CLVS1: variants seen among roughly 807,000 people sequenced by gnomAD.
CLVS1 encodes clavesin 1, also known as clavesin-1.
CLVS1 carries 10 observed loss-of-function variants against 33.1 expected under a neutral mutation model. The observed-to-expected ratio is 0.30, with a 90% CI of 0.19 to 0.51. The LOEUF is 0.51. CLVS1 is among the 20% of genes least tolerant of loss of function. The probability of loss-of-function intolerance (pLI) is 0.97; values close to 1 mark genes in which losing one functional copy is unlikely to be tolerated. For synonymous variants in CLVS1, 163 were observed against 166.1 expected (o/e 0.98, Z 0.14); for missense variants, 343 against 433.4 (o/e 0.79, Z 1.85).
intron 5 of CLVS1, among the ~76,000 whole-genome samples, chr8:61,480,584 A>G (rs938371116): frequency 3.3e-5 from 5 of 151,256 alleles, no homozygotes; most frequent in African/African-American, 1.2e-4. Context: ...TGCTGCACCC[A>G]CTGTCCTGCA....
chr8:61,411,208 A>C, intron 3 of CLVS1, among the ~76,000 whole-genome samples: 1 of 152,236 alleles, frequency 6.6e-6, no homozygotes, highest in East Asian at 1.9e-4. Context: ...TAAAGGACAT[A>C]AGGAAAAAGA....
chr8:61,314,500 C>T (rs1810945764), intron 2 of CLVS1, among the ~76,000 whole-genome samples: 5 of 151,820 alleles, frequency 3.3e-5, no homozygotes, highest in Admixed American at 3.3e-4. Flanking sequence ...CACAAGCATA[C>T]AAAAGAACTT....
At chr8:61,391,058 C>G (rs1814284630) in intron 3 of CLVS1, 1 of 151,600 alleles carries the variant, frequency 6.6e-6, no homozygotes, top group Non-Finnish European at 1.5e-5. Context: ...TCTAAGTTAA[C>G]TATTTCTCTA....
At chr8:61,037,252 T>C in the CLVS1 span, among the ~76,000 whole-genome samples, 6 of 152,186 alleles carry the variant, frequency 3.9e-5, no homozygotes, top group African/African-American at 1.4e-4. Context: ...TAATGGGTAC[T>C]GAATCTCTGT....
intron 1 of CLVS1, among the ~76,000 whole-genome samples, chr8:61,076,279 A>C (rs1448727721): frequency 6.6e-6 from 1 of 151,094 alleles, no homozygotes; most frequent in Non-Finnish European, 1.5e-5. Context: ...ACAGTTTATG[A>C]TTATGTTTAT....
At chr8:61,113,909 C>A (rs1162373741) in intron 1 of CLVS1, among the ~76,000 whole-genome samples, 1 of 152,234 alleles carries the variant, frequency 6.6e-6, no homozygotes, top group African/African-American at 2.4e-5. Flanking sequence ...CTTGGGATTG[C>A]AGGCTGAGCC....
At chr8:61,108,411 T>C (rs1805575066) in intron 1 of CLVS1, among the ~76,000 whole-genome samples, 1 of 152,188 alleles carries the variant, frequency 6.6e-6, no homozygotes, top group Admixed American at 6.5e-5. Context: ...GATTTTGCAA[T>C]TCTGGTATCC....
intron 2 of CLVS1, among the ~76,000 whole-genome samples, chr8:61,205,738 G>A (rs760544003): frequency 6.6e-6 from 1 of 151,984 alleles, no homozygotes; most frequent in South Asian, 2.1e-4. Context: ...ATGCACAAAG[G>A]TTCTCATTCC....
the CLVS1 span, among the ~76,000 whole-genome samples, chr8:61,004,722 G>A: frequency 2.0e-5 from 3 of 152,304 alleles, no homozygotes; most frequent in South Asian, 2.1e-4. Flanking sequence ...AGGGCTGCGG[G>A]GGAGCTGGGA....
At chr8:61,374,278 A>G (rs1347689657) in intron 2 of CLVS1, among the ~76,000 whole-genome samples, 1 of 152,022 alleles carries the variant, frequency 6.6e-6, no homozygotes, top group Non-Finnish European at 1.5e-5. Flanking sequence ...CAGAACCTTG[A>G]TCCTCTCCCC....
chr8:61,426,887 AT>A (rs1460953995), intron 3 of CLVS1, among the ~76,000 whole-genome samples: 4 of 152,310 alleles, frequency 2.6e-5, no homozygotes, highest in Non-Finnish European at 4.4e-5. Flanking sequence ...GGCCCTTAGT[AT>A]TTGTCATGTG....
chr8:61,290,482 A>G (rs540080803), intron 1 of CLVS1, among the ~76,000 whole-genome samples: 1 of 152,340 alleles, frequency 6.6e-6, no homozygotes, highest in East Asian at 1.9e-4. Flanking sequence ...TGCTCATAGA[A>G]GAGTGCATCA....
chr8:61,211,423 C>G (rs775886926), intron 2 of CLVS1, among the ~76,000 whole-genome samples: 4 of 150,930 alleles, frequency 2.7e-5, no homozygotes, highest in Non-Finnish European at 3.0e-5. Context: ...CCCTACTCTT[C>G]CTTCTCCTCC....
chr8:61,433,739 C>T (rs1025296347), intron 3 of CLVS1, among the ~76,000 whole-genome samples: 3 of 151,770 alleles, frequency 2.0e-5, no homozygotes, highest in African/African-American at 2.4e-5. Flanking sequence ...CATGGTGAAA[C>T]CCTACCTCTA....
At position 61,295,167 on chromosome 8, in the gene CLVS1, G is replaced by A. The variant is rs530679292; in HGVS notation, c.-151-4510G>A. On this transcript the variant is annotated intron_variant, in intron 1 of 5. Coordinates refer to ENST00000325897, the MANE Select transcript of CLVS1 (RefSeq NM_173519.3). ...AATTACTCTCCATGCATTTGAAATG[G>A]TGTCAAATACAGAATCATTTGGGAC... Among the ~76,000 whole-genome samples the A allele has an allele frequency of 5.9e-5, 9 of 152,292 alleles. No individual in the cohort carries two copies. In the South Asian group the frequency reaches 1.7e-3, roughly 28 times the overall value.
chr8:61,252,476 A>T (rs1327744863), intron 2 of CLVS1, among the ~76,000 whole-genome samples: 1 of 152,044 alleles, frequency 6.6e-6, no homozygotes, highest in African/African-American at 2.4e-5. Context: ...TATCCTTGTT[A>T]ATTTTCTGTC....
At chr8:61,061,366 C>A (rs752533678) in intron 1 of CLVS1, among the ~76,000 whole-genome samples, 2 of 152,102 alleles carry the variant, frequency 1.3e-5, no homozygotes, top group Non-Finnish European at 2.9e-5. Flanking sequence ...TGATTAGTTC[C>A]TCTGCCATGA....
chr8:61,188,966 T>A (rs1807402863), intron 2 of CLVS1, among the ~76,000 whole-genome samples: 1 of 152,094 alleles, frequency 6.6e-6, no homozygotes, highest in Non-Finnish European at 1.5e-5. Flanking sequence ...CTAAGCAGGA[T>A]AAATTAAAAG....
At chr8:61,124,823 C>T (rs1394201181) in intron 1 of CLVS1, among the ~76,000 whole-genome samples, 5 of 152,136 alleles carry the variant, frequency 3.3e-5, no homozygotes, top group African/African-American at 4.8e-5. Flanking sequence ...GAGACACCCA[C>T]GTAAATGCCA....
Sources: gnomAD v4.1 joint callset for allele counts (sites outside exome capture counted in the v4.1 genomes callset) on GRCh38, gnomAD v4.1.1 for gene constraint, MANE v1.5 for transcripts, NCBI Gene and HGNC (gene_info 2026-07-23, HGNC 2026-07-21) for gene names.